KCTD9: variants seen among roughly 807,000 people sequenced by gnomAD.
KCTD9 encodes potassium channel tetramerization domain containing 9, also known as BTB/POZ domain-containing protein KCTD9.
In KCTD9, 17 loss-of-function variants were observed where a neutral mutation model predicts 53.3. The ratio of observed to expected loss-of-function variants is 0.32; its 90% CI spans 0.22 to 0.48. The LOEUF (loss-of-function observed/expected upper bound fraction) is 0.48. Ranked by LOEUF, KCTD9 falls within the 20% of genes least tolerant of loss-of-function variation. KCTD9 has a pLI of 0.99. For synonymous variants in KCTD9, 128 were observed against 162.7 expected (o/e 0.79, Z 1.62); for missense variants, 179 against 465.5 (o/e 0.38, Z 5.66).
At chr8:25,436,358 G>A (rs571547298) in intron 7 of KCTD9, 28 bp from the exon 8 acceptor site, 3 of 1,590,538 alleles carry the variant, frequency 1.9e-6, no homozygotes, top group African/African-American at 1.3e-5. Context: ...GAAATTAGTG[G>A]AGTCTTTTGG....
chr8:25,438,879 C>G lies in KCTD9; in HGVS notation c.499+400G>C, dbSNP rs563214621. ...ATGATTGCAAGGCATGATTTGCCCT[C>G]TTGACTACTCTAGTTCTCACATAAT... On this transcript the variant is annotated intron_variant, in intron 6 of 11. Transcript: ENST00000221200. 4.3e-4 allele frequency among the ~76,000 whole-genome samples: 66 copies of G among 152,324 alleles called. No individual in the cohort carries two copies. The Middle Eastern group carries it at 0.01, about 24-fold the overall frequency.
intron 1 of KCTD9, chr8:25,450,337 G>C: frequency 1.0e-6 from 1 of 985,278 alleles, no homozygotes; most frequent in South Asian, 4.7e-5. Context: ...ACATTCCTGA[G>C]CTGTTCTACT....
chr8:25,446,141 A>G lies in KCTD9; in HGVS notation c.158T>C (p.Ile53Thr). 1 of 1,613,790 alleles carries G rather than the reference A, an allele frequency of 6.2e-7. No homozygotes were observed. Among genetic ancestry groups the G allele is most frequent in the Middle Eastern group, 1.7e-4 (1 of 6,004 alleles). The change falls in exon 2 of 12, where the codon ATT (isoleucine) becomes ACT (threonine). Residue 53 changes from isoleucine to threonine, a missense_variant. Ile to Thr is a moderately conservative substitution (Grantham distance 89, BLOSUM62 -1). This residue lies in a region of KCTD9 where 115 missense variants were observed against 250.9 expected (regional missense o/e 0.46). Transcript: ENST00000221200. Reference protein sequence around the residue: ...YNGKGGLIDDIALIRDDDVLF... With the variant: ...YNGKGGLIDDTALIRDDDVLF... ...AGGTGAAGGTTACCTGATCAAAGCAATATCATCAATCAGTCCACCTTTCCC... is the reference window on the plus strand; with the variant it reads ...AGGTGAAGGTTACCTGATCAAAGCAGTATCATCAATCAGTCCACCTTTCCC...
intron 1 of KCTD9, among the ~76,000 whole-genome samples, chr8:25,452,678 G>T (rs148390469): frequency 6.6e-6 from 1 of 152,182 alleles, no homozygotes; most frequent in Non-Finnish European, 1.5e-5. Context: ...TGTGTGCCAG[G>T]ATACATATAC....
chr8:25,438,295 AAAT>A, intron 6 of KCTD9, among the ~76,000 whole-genome samples: 1 of 146,470 alleles, frequency 6.8e-6, no homozygotes, highest in Middle Eastern at 3.5e-3. Flanking sequence ...TAAAAGGGTC[AAAT>A]AATATCTTTT....
At chr8:25,433,302 G>T (rs372471287) in intron 10 of KCTD9, 28 bp downstream of exon 10, 42 of 1,257,858 alleles carry the variant, frequency 3.3e-5, no homozygotes, top group Non-Finnish European at 4.6e-5. Context: ...TTCCTTCGTA[G>T]AATAGGTATT....
chr8:25,453,183 C>T lies in KCTD9; in HGVS notation c.48+5016G>A, dbSNP rs552077992. Among the ~76,000 whole-genome samples the T allele has an allele frequency of 3.9e-5, 6 of 152,018 alleles. No homozygotes were observed. The South Asian group carries it at 1.2e-3, about 32-fold the overall frequency. On this transcript the variant is annotated intron_variant, in intron 1 of 11. Coordinates refer to ENST00000221200, the MANE Select transcript of KCTD9 (RefSeq NM_017634.4). ...ACCAGCCTGACCAACATGGTGAAAC[C>T]CCATCTCTACTAAAAATACAAAAAT...
rs1026007883 is a variant in KCTD9 at position 25,429,505 on chromosome 8, A to C, written c.*352T>G. ...GCTTTCCATAAATTAAAATCCTCAA[A>C]TGCATCTCAAACCAAGATGGTATTT... is the stretch of plus-strand genomic sequence containing the variant. On this transcript the variant is annotated 3_prime_UTR_variant, in exon 12 of 12. Transcript: ENST00000221200. The C allele has an allele frequency of 6.1e-6, 1 of 162,708 alleles. No homozygotes were observed. Among genetic ancestry groups the C allele is most frequent in the African/African-American group, 2.4e-5 (1 of 41,666 alleles). The allele number at this position is 162,708 out of a possible 1,614,324, so 10.1% of individuals were successfully genotyped here.
intron 1 of KCTD9, among the ~76,000 whole-genome samples, chr8:25,453,083 C>G (rs1802359678): frequency 6.6e-6 from 1 of 152,206 alleles, no homozygotes; most frequent in East Asian, 1.9e-4. Flanking sequence ...AACTTAGTGG[C>G]TAGGCAGAGT....
chr8:25,432,009 T>C (rs1461494762), intron 11 of KCTD9, among the ~76,000 whole-genome samples: 2 of 152,234 alleles, frequency 1.3e-5, no homozygotes, highest in African/African-American at 4.8e-5. Flanking sequence ...ATGTCCCTCC[T>C]GCACAAAGTG....
intron 3 of KCTD9, 102 bp downstream of exon 3, chr8:25,444,190 T>A: frequency 2.1e-6 from 2 of 948,138 alleles, no homozygotes; most frequent in Non-Finnish European, 3.2e-6. Flanking sequence ...AGCCATAAGA[T>A]CATTTTTAAT....
Position 25,432,173 on chromosome 8 carries a change from T to C in KCTD9, c.1053+331A>G, listed in dbSNP as rs1419560526. Among the ~76,000 whole-genome samples the C allele has an allele frequency of 2.6e-5, 4 of 152,198 alleles. No homozygotes were observed. In the East Asian group the frequency reaches 7.7e-4, roughly 29 times the overall value. ...AAAACCAAAAAACATATGGTTCCAA[T>C]TTCAAATAGACTTTTCCTGAACCTG... is the stretch of plus-strand genomic sequence containing the variant. On this transcript the variant is annotated intron_variant, in intron 11 of 11. Coordinates refer to ENST00000221200, the MANE Select transcript of KCTD9 (RefSeq NM_017634.4).
At position 25,458,424 on chromosome 8, in the gene KCTD9, G is replaced by A. The variant is rs1802524835; in HGVS notation, c.-178C>T. The A allele has an allele frequency of 4.2e-6, 3 of 706,548 alleles. No homozygotes were observed. The highest frequency in any genetic ancestry group is 7.3e-6 in the Non-Finnish European group (3 of 411,226). 43.8% of individuals were successfully genotyped at this position (706,548 alleles called of 1,614,324 possible). On this transcript the variant is annotated 5_prime_UTR_variant, in exon 1 of 12. Transcript: ENST00000221200. Reference sequence around the variant, plus strand: ...CACTCTGTCCCACACCCAAGGTTCGGCCGGTCCTCCTTCCCACCCCGCCCC... The same window carrying A: ...CACTCTGTCCCACACCCAAGGTTCGACCGGTCCTCCTTCCCACCCCGCCCC...
intron 10 of KCTD9, 131 bp from the exon 11 acceptor site, chr8:25,432,768 GA>G: frequency 1.4e-6 from 1 of 736,036 alleles, no homozygotes; most frequent in South Asian, 2.0e-5. Context: ...GTCTCTCAAC[GA>G]ACTTATATAT....
intron 11 of KCTD9, among the ~76,000 whole-genome samples, chr8:25,432,094 T>C (rs1000684346): frequency 6.6e-6 from 1 of 152,104 alleles, no homozygotes; most frequent in African/African-American, 2.4e-5. Context: ...TAAGAAGACA[T>C]ACAAATATAA....
rs777941244 is a variant in KCTD9 at position 25,432,664 on chromosome 8, T to A, written c.920-27A>T. 5 of 1,587,842 alleles carry A rather than the reference T, an allele frequency of 3.1e-6. No homozygotes were observed. The South Asian group carries it at 5.9e-5, about 19-fold the overall frequency. On this transcript the variant is annotated intron_variant, in intron 10 of 11. Coordinates refer to ENST00000221200, the MANE Select transcript of KCTD9 (RefSeq NM_017634.4). ...TACAGTGAACACATTCTGGGAGTAG[T>A]TTAACTTAAAAATATAGTTATCTAC... is the stretch of plus-strand genomic sequence containing the variant.
intron 6 of KCTD9, 70 bp from the exon 7 acceptor site, chr8:25,436,555 A>G: frequency 1.1e-6 from 1 of 906,558 alleles, no homozygotes; most frequent in Non-Finnish European, 1.7e-6. Flanking sequence ...TGAATTTACT[A>G]AAATACGATT....
At chr8:25,446,461 T>C (rs535226173) in intron 1 of KCTD9, among the ~76,000 whole-genome samples, 76 of 152,278 alleles carry the variant, frequency 5.0e-4, no homozygotes, top group African/African-American at 1.8e-3. Context: ...TAAGAAATCA[T>C]CTCTGACCAA....
intron 3 of KCTD9, among the ~76,000 whole-genome samples, chr8:25,443,251 A>C (rs1375943704): frequency 6.6e-6 from 1 of 151,552 alleles, no homozygotes; most frequent in Non-Finnish European, 1.5e-5. Flanking sequence ...TAAAAAAATC[A>C]AGGCTTGTTG....
Sources: gnomAD v4.1 joint callset for allele counts (sites outside exome capture counted in the v4.1 genomes callset) on GRCh38, gnomAD v4.1.1 for gene constraint, gnomAD v4.1.1 regional missense constraint, MANE v1.5 for transcripts, NCBI Gene and HGNC (gene_info 2026-07-23, HGNC 2026-07-21) for gene names.